Variants in NDST3 observed in about 807,000 individuals in gnomAD.
NDST3 encodes bifunctional heparan sulfate N-deacetylase/N-sulfotransferase 3.
In NDST3, 58 loss-of-function variants were observed where a neutral mutation model predicts 96.1. That is an observed-to-expected ratio of 0.60 (90% CI 0.49 to 0.75). The LOEUF is 0.75. Ranked by LOEUF, NDST3 falls within the 30% of genes least tolerant of loss-of-function variation. The probability of loss-of-function intolerance (pLI) is 0.00; values close to 1 mark genes in which losing one functional copy is unlikely to be tolerated. For synonymous variants in NDST3, 333 were observed against 359.7 expected, an observed-to-expected ratio of 0.93 and a Z score of 0.84; for missense variants, 788 against 1,034.2, an observed-to-expected ratio of 0.76 and a Z score of 3.27.
intron 4 of NDST3, among the ~76,000 whole-genome samples, chr4:118,120,701 A>G (rs1457178096): frequency 3.3e-5 from 5 of 152,166 alleles, no homozygotes; most frequent in Admixed American, 3.3e-4. Flanking sequence ...GAAAATAAAG[A>G]GGCATGATGC....
chr4:118,170,140 T>C (rs1735838336), intron 6 of NDST3, among the ~76,000 whole-genome samples: 1 of 152,146 alleles, frequency 6.6e-6, no homozygotes, highest in Admixed American at 6.5e-5. Context: ...TTATCTCTCT[T>C]TATAGGAGAC....
At position 118,066,166 on chromosome 4, in the gene NDST3, T is replaced by TATTACATATTA. The variant is rs1560617659; in HGVS notation, c.981+11275_981+11276insATTACATATTA. ...TTTTATATATTATATATATTATATA[T>TATTACATATTA]TATATTTTATATATTATATATCTTA... On this transcript the variant is annotated intron_variant, in intron 2 of 13. Transcript: ENST00000296499. Among the ~76,000 whole-genome samples, 16 of 20,384 alleles carry TATTACATATTA rather than the reference T, an allele frequency of 7.8e-4. 1 individual carries two copies. The highest frequency in any genetic ancestry group is 1.8e-3 in the African/African-American group (16 of 8,868). The allele number at this position is 20,384 out of a possible 152,430, so 13.4% of individuals were successfully genotyped here. A position where few individuals can be genotyped will look rare whatever the true frequency, so the allele number is the denominator to read the frequency against.
chr4:118,224,713 A>T, intron 7 of NDST3, 40 bp downstream of exon 7: 2 of 1,481,354 alleles, frequency 1.4e-6, no homozygotes, highest in Non-Finnish European at 1.8e-6. Flanking sequence ...AGTTAATTCC[A>T]GGAACATAAT....
At chr4:118,161,572 G>A (rs553098020) in intron 6 of NDST3, among the ~76,000 whole-genome samples, 6 of 152,324 alleles carry the variant, frequency 3.9e-5, no homozygotes, top group South Asian at 4.1e-4. Context: ...AAGCCTGGGC[G>A]ATGGTGGGCG....
At chr4:118,091,883 G>A (rs141238813) in intron 2 of NDST3, among the ~76,000 whole-genome samples, 1 of 151,286 alleles carries the variant, frequency 6.6e-6, no homozygotes, top group East Asian at 1.9e-4. Context: ...TCACTTATAT[G>A]CAATGTCTAT....
chr4:118,222,496 G>C (rs1739616561), intron 6 of NDST3, among the ~76,000 whole-genome samples: 1 of 151,952 alleles, frequency 6.6e-6, no homozygotes, highest in African/African-American at 2.4e-5. Context: ...TCAGGCTTGA[G>C]TACAGAGTCT....
intron 2 of NDST3, among the ~76,000 whole-genome samples, chr4:118,064,196 T>C (rs1414158342): frequency 6.6e-6 from 1 of 152,192 alleles, no homozygotes; most frequent in Admixed American, 6.6e-5. Context: ...TTTCTATCTG[T>C]ATGTACTCAG....
chr4:118,119,022 GA>G (rs992409887), intron 4 of NDST3, among the ~76,000 whole-genome samples: 1 of 152,124 alleles, frequency 6.6e-6, no homozygotes, highest in Non-Finnish European at 1.5e-5. Context: ...GCCAATATCA[GA>G]TGATACTTAA....
chr4:118,080,767 T>G (rs565932144), intron 2 of NDST3, among the ~76,000 whole-genome samples: 2 of 152,166 alleles, frequency 1.3e-5, no homozygotes, highest in African/African-American at 4.8e-5. Context: ...AAAGAAATTA[T>G]GATGAATAAT....
At chr4:118,092,193 C>G (rs1451703673) in intron 2 of NDST3, among the ~76,000 whole-genome samples, 2 of 149,508 alleles carry the variant, frequency 1.3e-5, no homozygotes, top group African/African-American at 2.4e-5. Context: ...GGTATATCTC[C>G]TAATGCTATC....
chr4:118,095,511 G>A (rs1397367101), intron 2 of NDST3, among the ~76,000 whole-genome samples: 1 of 151,290 alleles, frequency 6.6e-6, no homozygotes, highest in Non-Finnish European at 1.5e-5. Flanking sequence ...ATAAAATTCA[G>A]GAGAAAATAT....
intron 6 of NDST3, among the ~76,000 whole-genome samples, chr4:118,203,844 A>G (rs1738255816): frequency 6.6e-6 from 1 of 152,130 alleles, no homozygotes; most frequent in South Asian, 2.1e-4. Context: ...GATCCTCTTA[A>G]TCAACTTAGC....
intron 1 of NDST3, among the ~76,000 whole-genome samples, chr4:118,042,882 GTCTC>G (rs879323794): frequency 6.6e-6 from 1 of 151,124 alleles, no homozygotes; most frequent in Non-Finnish European, 1.5e-5. Flanking sequence ...CTTTCTCTCT[GTCTC>G]TCTCTCTCTC....
intron 2 of NDST3, among the ~76,000 whole-genome samples, chr4:118,065,588 T>G (rs1726247393): frequency 6.6e-6 from 1 of 152,076 alleles, no homozygotes; most frequent in South Asian, 2.1e-4. Context: ...GCCAGTTGAT[T>G]AGGACTACCA....
chr4:118,085,959 C>T (rs892360143), intron 2 of NDST3, among the ~76,000 whole-genome samples: 25 of 152,158 alleles, frequency 1.6e-4, no homozygotes, highest in Admixed American at 1.0e-3. Context: ...CGTTACTTCG[C>T]ATTTATCTGG....
At chr4:118,132,091 C>G (rs1025247017) in intron 4 of NDST3, among the ~76,000 whole-genome samples, 1 of 152,130 alleles carries the variant, frequency 6.6e-6, no homozygotes, top group African/African-American at 2.4e-5. Flanking sequence ...ACTCAAGGCC[C>G]TAGGCCACTA....
intron 2 of NDST3, among the ~76,000 whole-genome samples, chr4:118,088,968 C>A (rs953036403): frequency 1.3e-5 from 2 of 151,790 alleles, no homozygotes; most frequent in Admixed American, 6.6e-5. Context: ...TCAATTAAAG[C>A]AATTGAGTTT....
chr4:118,219,120 A>C (rs1034070774), intron 6 of NDST3, among the ~76,000 whole-genome samples: 1 of 152,204 alleles, frequency 6.6e-6, no homozygotes, highest in African/African-American at 2.4e-5. Flanking sequence ...TGCCCAAAGT[A>C]ATTTATAGAT....
chr4:118,100,484 G>C (rs564518631), intron 2 of NDST3, among the ~76,000 whole-genome samples: 1 of 152,090 alleles, frequency 6.6e-6, no homozygotes, highest in East Asian at 1.9e-4. Flanking sequence ...TCCTGTCTCT[G>C]GAAAATCCTA....
Sources: gnomAD v4.1 joint callset for allele counts (sites outside exome capture counted in the v4.1 genomes callset) on GRCh38, gnomAD v4.1.1 for gene constraint, MANE v1.5 for transcripts, NCBI Gene and HGNC (gene_info 2026-07-23, HGNC 2026-07-21) for gene names.